Variants in CTIF observed in about 807,000 individuals in gnomAD.
CTIF encodes the protein CBP80/20-dependent translation initiation factor.
In CTIF, 21 loss-of-function variants were observed where a neutral mutation model predicts 66.0. That is an observed-to-expected ratio of 0.32 (90% CI 0.23 to 0.46). The LOEUF is 0.46. Among genes scored for constraint, CTIF ranks in the 20% least tolerant of loss-of-function variants. CTIF has a pLI of 1.00. For missense variants in CTIF, 739 were observed against 812.7 expected (o/e 0.91, Z 1.10); for synonymous variants, 345 against 326.4 (o/e 1.06, Z -0.62).
In CTIF at chr18:48,749,566, A is replaced by G. The variant is rs28483622; in HGVS notation, c.585-8353A>G. Among the ~76,000 whole-genome samples, 1,271 of 152,346 alleles carry G rather than the reference A, an allele frequency of 8.3e-3. 21 individuals are homozygous for G. The highest frequency in any genetic ancestry group is 0.029 in the African/African-American group (1,221 of 41,580). ...CTCCCTCTGCATAGCTGGAGGATTC[A>G]TGCTCTGTTGCTTGGAAAACCCATG... is the stretch of plus-strand genomic sequence containing the variant. On this transcript the variant is annotated intron_variant, in intron 7 of 11. Transcript: ENST00000256413.
At chr18:48,823,403 G>A (rs762589290) in intron 10 of CTIF, among the ~76,000 whole-genome samples, 6 of 152,134 alleles carry the variant, frequency 3.9e-5, no homozygotes, top group South Asian at 4.1e-4. Flanking sequence ...TCCCAAGACC[G>A]TTTATTGAAG....
At position 48,758,373 on chromosome 18, in the gene CTIF, A is replaced by G. The variant is rs1474892916; in HGVS notation, c.1039A>G (p.Lys347Glu). 1.9e-6 allele frequency: 3 copies of G among 1,600,874 alleles called. No individual in the cohort carries two copies. The highest frequency in any genetic ancestry group is 2.7e-5 in the African/African-American group (2 of 74,188). ...CAAAATTACCCTGCTCCAGTCTTCC[A>G]AAGACAGACTGCGGCGAAGGCTAAA... is the stretch of plus-strand genomic sequence containing the variant. ...RPKITLLQSS[K>E]DRLRRRLKEK... The change falls in exon 8 of 12, where the codon AAA (lysine) becomes GAA (glutamate). Residue 347 changes from lysine to glutamate, a missense_variant. Lys to Glu is a moderately conservative substitution (Grantham distance 56, BLOSUM62 1). Transcript: ENST00000256413.
At chr18:48,728,371 G>A (rs539125765) in intron 7 of CTIF, among the ~76,000 whole-genome samples, 1 of 152,254 alleles carries the variant, frequency 6.6e-6, no homozygotes, top group South Asian at 2.1e-4. Context: ...CTACTTCCAA[G>A]TACCCAAAGC....
intron 7 of CTIF, among the ~76,000 whole-genome samples, chr18:48,722,617 C>T (rs906651571): frequency 3.3e-5 from 5 of 151,660 alleles, no homozygotes; most frequent in African/African-American, 7.3e-5. Context: ...TGTAAGCACC[C>T]GGCCGTACTC....
At chr18:48,816,443 C>T (rs2068365420) in intron 9 of CTIF, among the ~76,000 whole-genome samples, 1 of 152,186 alleles carries the variant, frequency 6.6e-6, no homozygotes, top group Admixed American at 6.5e-5. Context: ...GTGGTCTCCA[C>T]ACCTTAGCTA....
At chr18:48,664,912 T>TC (rs2091411855) in intron 5 of CTIF, among the ~76,000 whole-genome samples, 1 of 148,144 alleles carries the variant, frequency 6.8e-6, no homozygotes, top group Non-Finnish European at 1.5e-5. Context: ...TTTCTTTCTT[T>TC]TTTTTTTTTT....
rs368098365 is a variant in CTIF, at chr18:48,784,125, T to C, written c.1371+22436T>C. ...TCCTGCCATTGGGCATCTCCTAATC[T>C]GGTGGGGAATGCAGACAGTACCCAG... On this transcript the variant is annotated intron_variant, in intron 9 of 11. Coordinates refer to ENST00000256413, the MANE Select transcript of CTIF (RefSeq NM_014772.3). Among the ~76,000 whole-genome samples, 185 of 152,286 alleles carry C rather than the reference T, an allele frequency of 1.2e-3. 9 individuals are homozygous for C. The South Asian group carries it at 0.02, about 17-fold the overall frequency.
intron 7 of CTIF, among the ~76,000 whole-genome samples, chr18:48,726,312 T>C (rs2092386858): frequency 6.6e-6 from 1 of 152,254 alleles, no homozygotes; most frequent in African/African-American, 2.4e-5. Context: ...TATCTATTGC[T>C]GTGTAACAAA....
intron 7 of CTIF, among the ~76,000 whole-genome samples, chr18:48,718,402 G>C (rs934041083): frequency 3.9e-5 from 6 of 152,210 alleles, no homozygotes; most frequent in Non-Finnish European, 8.8e-5. Context: ...AAGTCCCACA[G>C]TCTGCCATCT....
intron 7 of CTIF, among the ~76,000 whole-genome samples, chr18:48,735,807 C>A (rs774306926): frequency 6.6e-6 from 1 of 152,138 alleles, no homozygotes; most frequent in East Asian, 1.9e-4. Context: ...AAGGAGGAGG[C>A]GCTCCCATTC....
At chr18:48,580,006 T>A (rs2089618456) in intron 1 of CTIF, among the ~76,000 whole-genome samples, 1 of 152,206 alleles carries the variant, frequency 6.6e-6, no homozygotes, top group Non-Finnish European at 1.5e-5. Flanking sequence ...CAAGTGGTAC[T>A]CCATCCATCC....
rs571304662 is a variant in CTIF at position 48,859,943 on chromosome 18, G to A, written c.*384G>A. ...TGGCAGCCTCGCACGCCGGGGCACC[G>A]CTTGGGTCAGAAAGGACCTCGGAAG... On this transcript the variant is annotated 3_prime_UTR_variant, in exon 12 of 12. Transcript: ENST00000256413. The A allele has an allele frequency of 2.3e-5, 11 of 479,196 alleles. No individual in the cohort carries two copies. The highest frequency in any genetic ancestry group is 9.3e-5 in the Admixed American group (4 of 43,126). 29.7% of individuals were successfully genotyped at this position (479,196 alleles called of 1,614,324 possible).
chr18:48,755,577 A>C (rs758583308), intron 7 of CTIF: 1 of 152,220 alleles, frequency 6.6e-6, no homozygotes, highest in Non-Finnish European at 1.5e-5. Context: ...AGTGAAACTG[A>C]ATATTTCAGC....
chr18:48,575,786 C>A (rs1052451475), intron 1 of CTIF, among the ~76,000 whole-genome samples: 2 of 152,244 alleles, frequency 1.3e-5, no homozygotes, highest in African/African-American at 2.4e-5. Context: ...TGGCCGCAAC[C>A]CCAAGCCCTA....
intron 10 of CTIF, among the ~76,000 whole-genome samples, chr18:48,841,791 G>C (rs566370604): frequency 6.6e-6 from 1 of 152,300 alleles, no homozygotes; most frequent in Non-Finnish European, 1.5e-5. Context: ...GATAAGGCCA[G>C]GCGGCTATCA....
chr18:48,813,914 G>A (rs1000894757), intron 9 of CTIF, among the ~76,000 whole-genome samples: 1 of 152,200 alleles, frequency 6.6e-6, no homozygotes, highest in South Asian at 2.1e-4. Context: ...GTGCAGATGG[G>A]AGCTGCCTTA....
intron 7 of CTIF, among the ~76,000 whole-genome samples, chr18:48,740,809 T>TA (rs914473065): frequency 6.6e-6 from 1 of 152,106 alleles, no homozygotes. Context: ...TTAAAACCAT[T>TA]AAAAAAATTC....
At chr18:48,639,712 C>G (rs1260125538) in intron 3 of CTIF, among the ~76,000 whole-genome samples, 2 of 152,310 alleles carry the variant, frequency 1.3e-5, no homozygotes, top group East Asian at 3.9e-4. Flanking sequence ...TGCCACCAGC[C>G]TGGATGGGCG....
intron 1 of CTIF, among the ~76,000 whole-genome samples, chr18:48,611,057 AG>A (rs1200336091): frequency 6.6e-6 from 1 of 152,120 alleles, no homozygotes; most frequent in Non-Finnish European, 1.5e-5. Context: ...AGGGATGTAA[AG>A]GCTTGGATCC....
Sources: allele counts gnomAD v4.1 joint callset (sites outside exome capture counted in the v4.1 genomes callset), GRCh38; gene constraint gnomAD v4.1.1; transcripts MANE v1.5; gene names NCBI Gene and HGNC (gene_info 2026-07-23, HGNC 2026-07-21).